Variants in LRRC69 observed in about 807,000 individuals in gnomAD.
LRRC69 encodes the protein leucine-rich repeat-containing protein 69.
In LRRC69, 42 loss-of-function variants were observed where a neutral mutation model predicts 37.8. The ratio of observed to expected loss-of-function variants is 1.11; its 90% confidence interval spans 0.87 to 1.44. The LOEUF is 1.44. Among genes scored for constraint, LRRC69 ranks in the 40% most tolerant of loss-of-function variants. The probability of loss-of-function intolerance (pLI) is 0.00; values close to 1 mark genes in which losing one functional copy is unlikely to be tolerated. For missense variants in LRRC69, 357 were observed against 401.9 expected (o/e 0.89, Z 0.96); for synonymous variants, 141 against 143.1 (o/e 0.99, Z 0.11).
chr8:91,193,089 A>G (rs1479196410), intron 6 of LRRC69, among the ~76,000 whole-genome samples: 1 of 144,292 alleles, frequency 6.9e-6, no homozygotes, highest in Non-Finnish European at 1.5e-5. Context: ...TCCCAGCACC[A>G]TTTATTAAAT....
intron 1 of LRRC69, among the ~76,000 whole-genome samples, chr8:91,108,682 C>T (rs1466503778): frequency 6.6e-6 from 1 of 151,956 alleles, no homozygotes; most frequent in African/African-American, 2.4e-5. Flanking sequence ...GAATGTGGCC[C>T]AACTCAAATT....
At position 91,124,561 on chromosome 8, in the gene LRRC69, T is replaced by A. The variant is rs1320404759; in HGVS notation, c.252T>A (p.Ser84=). Residue 84 remains serine (S), a synonymous_variant, in exon 2 of 8, where the codon TCT becomes TCA. Coordinates refer to ENST00000448384, the Ensembl canonical transcript of LRRC69. The stretch of plus-strand genomic sequence containing the variant: ...CGGAAGAGATGAAATATCTTACATC[T>A]CTGAAGAATCTCCATTTATCTGGAA... 3 of 1,540,382 alleles carry A rather than the reference T, an allele frequency of 1.9e-6. No homozygotes were observed. In the African/African-American group the frequency reaches 4.1e-5, roughly 21 times the overall value.
chr8:91,106,265 A>G (rs1189961317), intron 1 of LRRC69, among the ~76,000 whole-genome samples: 2 of 151,942 alleles, frequency 1.3e-5, no homozygotes, highest in Non-Finnish European at 2.9e-5. Context: ...CTTTTGTTTC[A>G]TTTTGTTTTA....
At chr8:91,189,008 A>C (rs1809448623) in intron 5 of LRRC69, among the ~76,000 whole-genome samples, 2 of 152,004 alleles carry the variant, frequency 1.3e-5, no homozygotes, top group African/African-American at 4.8e-5. Context: ...TATTTTTAGT[A>C]ATATTTTCTT....
chr8:91,115,542 G>C (rs1227437801), intron 1 of LRRC69, among the ~76,000 whole-genome samples: 2 of 151,888 alleles, frequency 1.3e-5, no homozygotes, highest in Admixed American at 6.6e-5. Context: ...TCTGAGCTAA[G>C]AGTTTAGGCT....
At chr8:91,211,542 A>C (rs1300379935) in intron 7 of LRRC69, among the ~76,000 whole-genome samples, 1 of 149,972 alleles carries the variant, frequency 6.7e-6, no homozygotes, top group East Asian at 1.9e-4. Context: ...ACTGGTAAGG[A>C]ATTGCTTTTA....
intron 3 of LRRC69, among the ~76,000 whole-genome samples, chr8:91,129,999 T>C (rs1433557080): frequency 1.3e-5 from 2 of 152,054 alleles, no homozygotes; most frequent in Admixed American, 1.3e-4. Flanking sequence ...TACTATTCAA[T>C]GCATTTTGAC....
intron 7 of LRRC69, among the ~76,000 whole-genome samples, chr8:91,202,601 T>C (rs1239356009): frequency 1.3e-5 from 2 of 152,146 alleles, no homozygotes; most frequent in Non-Finnish European, 2.9e-5. Flanking sequence ...ACAGTGTGTA[T>C]TAATGGGAAA....
chr8:91,214,211 G>A (rs1458349976), intron 7 of LRRC69, among the ~76,000 whole-genome samples: 1 of 152,110 alleles, frequency 6.6e-6, no homozygotes, highest in African/African-American at 2.4e-5. Flanking sequence ...TTGATTGATT[G>A]AGCATGGGAA....
intron 5 of LRRC69, among the ~76,000 whole-genome samples, chr8:91,163,920 A>C (rs1177592689): frequency 2.6e-5 from 4 of 151,392 alleles, no homozygotes; most frequent in Non-Finnish European, 5.9e-5. Flanking sequence ...ATATATTAAA[A>C]TACAAGCCAA....
intron 2 of LRRC69, among the ~76,000 whole-genome samples, chr8:91,126,438 C>T (rs1057324226): frequency 6.6e-6 from 1 of 151,906 alleles, no homozygotes; most frequent in Non-Finnish European, 1.5e-5. Context: ...GGAGAGTTCA[C>T]AAAGAAGTCT....
At chr8:91,216,589 A>C (rs1440465605) in intron 7 of LRRC69, among the ~76,000 whole-genome samples, 4 of 152,140 alleles carry the variant, frequency 2.6e-5, no homozygotes, top group Non-Finnish European at 4.4e-5. Flanking sequence ...GAGATATGTT[A>C]CAGAAGTAGG....
At chr8:91,167,625 C>A (rs574198618) in intron 5 of LRRC69, among the ~76,000 whole-genome samples, 28 of 152,056 alleles carry the variant, frequency 1.8e-4, no homozygotes, top group Non-Finnish European at 3.8e-4. Flanking sequence ...CTCCCTGGGG[C>A]GCCAGAGCGG....
rs1809697883 is a variant in LRRC69 at position 91,200,722 on chromosome 8, C to T, written c.863C>T (p.Thr288Ile). 6 of 1,537,810 alleles carry T rather than the reference C, an allele frequency of 3.9e-6. No homozygotes were observed. In the Admixed American group the frequency reaches 1.1e-4, roughly 27 times the overall value. ...AGGAGCATGATCTCTCAGGGAAAAA[C>T]ATGTGCAATATGTGGACAGTACTTT... Residue 288 changes from threonine (T) to isoleucine (I), a missense_variant, in exon 7 of 8, where the codon ACA (threonine) becomes ATA (isoleucine). Physicochemically the swap from Thr to Ile is moderately conservative, Grantham distance 89. Transcript: ENST00000448384.
At chr8:91,125,210 C>G (rs1387212133) in intron 2 of LRRC69, among the ~76,000 whole-genome samples, 4 of 151,720 alleles carry the variant, frequency 2.6e-5, no homozygotes, top group Non-Finnish European at 4.4e-5. Context: ...ATAGCTTTAT[C>G]AACTAATGTA....
intron 5 of LRRC69, among the ~76,000 whole-genome samples, chr8:91,177,474 A>G (rs557149307): frequency 2.6e-5 from 4 of 152,296 alleles, no homozygotes; most frequent in African/African-American, 9.6e-5. Flanking sequence ...ATATTGAAAT[A>G]TGTTTAAGAA....
At chr8:91,125,877 A>T (rs1367366618) in intron 2 of LRRC69, among the ~76,000 whole-genome samples, 3 of 151,824 alleles carry the variant, frequency 2.0e-5, no homozygotes, top group Non-Finnish European at 4.4e-5. Flanking sequence ...TTTAAAAATA[A>T]TTATTTTTTT....
intron 1 of LRRC69, among the ~76,000 whole-genome samples, chr8:91,108,338 G>A (rs1331673520): frequency 6.6e-6 from 1 of 152,072 alleles, no homozygotes; most frequent in African/African-American, 2.4e-5. Context: ...CTGCAGTGGA[G>A]TAGGCACTCT....
At chr8:91,167,860 T>C (rs1169868629) in intron 5 of LRRC69, among the ~76,000 whole-genome samples, 1 of 151,970 alleles carries the variant, frequency 6.6e-6, no homozygotes, top group Non-Finnish European at 1.5e-5. Context: ...TGTTCCCTTT[T>C]TGGTGATAGA....
Sources: allele counts gnomAD v4.1 joint callset (sites outside exome capture counted in the v4.1 genomes callset), GRCh38; gene constraint gnomAD v4.1.1; transcripts MANE v1.5; gene names NCBI Gene and HGNC (gene_info 2026-07-23, HGNC 2026-07-21).